Variants in RELN observed in about 807,000 individuals in gnomAD.
The protein encoded by RELN is reelin.
A neutral mutation model predicts 427.6 loss-of-function variants in RELN; 108 were observed. The ratio of observed to expected loss-of-function variants is 0.25; its 90% CI spans 0.22 to 0.30. The LOEUF is 0.30. Among genes scored for constraint, RELN ranks in the 10% least tolerant of loss-of-function variants. The pLI, the probability that RELN is intolerant of heterozygous loss-of-function variation, is 1.00. For missense variants in RELN, 3,715 were observed against 4,302.8 expected (o/e 0.86, Z 3.82); for synonymous variants, 1,524 against 1,513.4 (o/e 1.01, Z -0.16).
intron 19 of RELN, among the ~76,000 whole-genome samples, chr7:103,635,024 T>C (rs753027248): frequency 1.3e-5 from 2 of 151,536 alleles, no homozygotes; most frequent in Non-Finnish European, 2.9e-5. Flanking sequence ...ACACCCAGCT[T>C]TTTTTTTCGT....
chr7:103,706,631 T>C (rs1834207216), intron 8 of RELN, among the ~76,000 whole-genome samples: 1 of 149,682 alleles, frequency 6.7e-6, no homozygotes, highest in African/African-American at 2.6e-5. Context: ...CCTTTCTTCT[T>C]GTTTCTTTAT....
At chr7:103,745,980 C>T (rs1297400158) in intron 6 of RELN, among the ~76,000 whole-genome samples, 1 of 152,102 alleles carries the variant, frequency 6.6e-6, no homozygotes, top group Admixed American at 6.5e-5. Context: ...GCCAAAAGAA[C>T]AAAGCTGGAG....
In RELN at chr7:103,705,726, A is replaced by G. The variant is rs147561024; in HGVS notation, c.806-4720T>C. On this transcript the variant is annotated intron_variant, in intron 8 of 64. Coordinates refer to ENST00000428762, the MANE Select transcript of RELN (RefSeq NM_005045.4). ...ACAATTTGAGCTTTGACACTTCTAAACTGTGTGGCCTTTGAAACTTCAAAG... is the reference window on the plus strand; with the variant it reads ...ACAATTTGAGCTTTGACACTTCTAAGCTGTGTGGCCTTTGAAACTTCAAAG... Among the ~76,000 whole-genome samples, 615 of 152,300 alleles carry G rather than the reference A, an allele frequency of 4.0e-3. 1 individual carries two copies. The highest frequency in any genetic ancestry group is 0.014 in the African/African-American group (597 of 41,568).
intron 8 of RELN, among the ~76,000 whole-genome samples, chr7:103,722,623 T>C (rs1458530224): frequency 6.6e-6 from 1 of 152,204 alleles, no homozygotes; most frequent in East Asian, 1.9e-4. Context: ...TAGGAACTTT[T>C]AGCTCTAAAA....
intron 25 of RELN, among the ~76,000 whole-genome samples, chr7:103,595,346 T>C (rs962023287): frequency 2.6e-5 from 4 of 152,180 alleles, no homozygotes; most frequent in African/African-American, 9.6e-5. Context: ...CTCCCACCCT[T>C]TTCCTATGAT....
intron 3 of RELN, among the ~76,000 whole-genome samples, chr7:103,785,362 C>T (rs375310716): frequency 6.6e-6 from 1 of 152,004 alleles, no homozygotes; most frequent in Non-Finnish European, 1.5e-5. Flanking sequence ...CAAAGAAAAT[C>T]CTAGTAAAAA....
chr7:103,846,106 A>G (rs1289438922), intron 2 of RELN, among the ~76,000 whole-genome samples: 6 of 152,338 alleles, frequency 3.9e-5, no homozygotes, highest in Middle Eastern at 3.4e-3. Flanking sequence ...GAACAAAAAA[A>G]GAGCCCATAT....
rs1032752898 is a variant in RELN, at chr7:103,563,373, T to C, written c.5211-1420A>G. Among the ~76,000 whole-genome samples the C allele has an allele frequency of 1.3e-5, 2 of 152,230 alleles. No homozygotes were observed. Among genetic ancestry groups the C allele is most frequent in the African/African-American group, 4.8e-5 (2 of 41,456 alleles). On this transcript the variant is annotated intron_variant, in intron 34 of 64. Transcript: ENST00000428762. This position sits in a 1 kb window ranked among gnomAD's most constrained non-coding sequence, Gnocchi z 4.1. ...CCAAGGCTAATAATGTGTATTTTTG[T>C]GTCTAAGTTTTTAAGAAAGAAGTTT...
At chr7:103,477,226 A>G (rs1274150179) in intron 64 of RELN, among the ~76,000 whole-genome samples, 1 of 152,182 alleles carries the variant, frequency 6.6e-6, no homozygotes, top group Non-Finnish European at 1.5e-5. Flanking sequence ...TTGAATAACT[A>G]GTGACTCTGT....
At chr7:103,768,437 C>T (rs545691314) in intron 4 of RELN, among the ~76,000 whole-genome samples, 24 of 152,110 alleles carry the variant, frequency 1.6e-4, no homozygotes, top group South Asian at 1.2e-3. Context: ...CATGAAAATC[C>T]ATGCACAATT....
chr7:103,894,914 G>A (rs755032329), intron 2 of RELN, among the ~76,000 whole-genome samples: 3 of 152,092 alleles, frequency 2.0e-5, no homozygotes, highest in Non-Finnish European at 4.4e-5. Flanking sequence ...CTCTAATGCA[G>A]AGCCAAAATC....
intron 11 of RELN, among the ~76,000 whole-genome samples, chr7:103,661,812 AGACT>A (rs1214574366): frequency 6.6e-6 from 1 of 152,214 alleles, no homozygotes; most frequent in Non-Finnish European, 1.5e-5. Context: ...GCCATGCTCC[AGACT>A]GAGATACTTT....
At position 103,961,371 on chromosome 7, in the gene RELN, A is replaced by G. The variant is rs537327112; in HGVS notation, c.226+27760T>C. Among the ~76,000 whole-genome samples the G allele has an allele frequency of 1.1e-4, 16 of 152,202 alleles. No homozygotes were observed. The East Asian group carries it at 2.7e-3, about 26-fold the overall frequency. ...AGAGCAAATAAACTGAAGCTCAGAA[A>G]TCAAAAGACTGATGAATTTAGTTTT... On this transcript the variant is annotated intron_variant, in intron 1 of 64. Coordinates refer to ENST00000428762, the MANE Select transcript of RELN (RefSeq NM_005045.4).
chr7:103,965,217 ATG>A (rs1208513063), intron 1 of RELN, among the ~76,000 whole-genome samples: 2 of 152,222 alleles, frequency 1.3e-5, no homozygotes, highest in Admixed American at 1.3e-4. Context: ...TTAAATCAAA[ATG>A]AGAGAAATTT....
chr7:103,746,648 C>G (rs141720552), intron 6 of RELN, among the ~76,000 whole-genome samples: 4,780 of 152,108 alleles, frequency 0.031, 255 homozygotes, highest in African/African-American at 0.11. Context: ...ATGCAGCCAA[C>G]AGATACATGA....
chr7:103,848,570 CG>C (rs1563049427), intron 2 of RELN, among the ~76,000 whole-genome samples: 1 of 152,124 alleles, frequency 6.6e-6, no homozygotes, highest in Non-Finnish European at 1.5e-5. Context: ...ATACTGATCT[CG>C]CCATACTGGG....
At chr7:103,668,143 T>G (rs1357105064) in intron 11 of RELN, among the ~76,000 whole-genome samples, 1 of 152,142 alleles carries the variant, frequency 6.6e-6, no homozygotes. Flanking sequence ...GGCATGAGGA[T>G]AGCTTGAACC....
chr7:103,574,138 C>A lies in RELN; in HGVS notation c.4465G>T (p.Gly1489Trp), dbSNP rs754149286. The A allele has an allele frequency of 1.2e-6, 2 of 1,614,156 alleles. No individual in the cohort carries two copies. Among genetic ancestry groups the A allele is most frequent in the Admixed American group, 3.3e-5 (2 of 60,024 alleles). The stretch of plus-strand genomic sequence containing the variant: ...GGGACCGTCCGGGCTTCCCTTTTCC[C>A]AGGGCCATTGAAGTAGAGAGATTTG... ...DGKSLYFNGP[G>W]KREARTVPLD... Residue 1489 changes from glycine to tryptophan, a missense_variant, in exon 30 of 65, where the codon GGG becomes TGG. This residue lies in a region of RELN where 2,208 missense variants were observed against 2,361.7 expected (regional missense o/e 0.93). Transcript: ENST00000428762.
At chr7:103,738,672 CTTTTTTTTTTT>C (rs57390524) in intron 6 of RELN, among the ~76,000 whole-genome samples, 13 of 70,522 alleles carry the variant, frequency 1.8e-4, no homozygotes, top group South Asian at 5.6e-4. Flanking sequence ...TCCTTCCTTC[CTTTTTTTTTTT>C]TTTTTTTTTT....
Sources: allele counts gnomAD v4.1 joint callset (sites outside exome capture counted in the v4.1 genomes callset), GRCh38; gene constraint gnomAD v4.1.1; regional missense constraint gnomAD v4.1.1; non-coding constraint Gnocchi (gnomAD v3.1); transcripts MANE v1.5; gene names NCBI Gene and HGNC (gene_info 2026-07-23, HGNC 2026-07-21).